Variants in KRIT1 observed in about 807,000 individuals in gnomAD.
KRIT1 encodes krev interaction trapped protein 1.
A neutral mutation model predicts 95.8 loss-of-function variants in KRIT1; 45 were observed. The ratio of observed to expected loss-of-function variants is 0.47; its 90% CI spans 0.37 to 0.60. The LOEUF (loss-of-function observed/expected upper bound fraction) is 0.60, where lower values mean the gene tolerates loss of function less well. Among genes scored for constraint, KRIT1 ranks in the 20% least tolerant of loss-of-function variants. The probability of loss-of-function intolerance (pLI) is 0.00; values close to 1 mark genes in which losing one functional copy is unlikely to be tolerated. For synonymous variants in KRIT1, 282 were observed against 278.8 expected (o/e 1.01, Z -0.11); for missense variants, 788 against 877.5 (o/e 0.90, Z 1.29).
In KRIT1 at chr7:92,210,542, T is replaced by TA. The variant is rs1401143350; in HGVS notation, c.2025+2652dup. On this transcript the variant is annotated intron_variant, in intron 17 of 18. Coordinates refer to ENST00000394505, the MANE Select transcript of KRIT1 (RefSeq NM_194454.3). ...TATACAGAAATCAAGTCAATATGGA[T>TA]AAAAAACCTAAATGTAAGACCTGAG... Among the ~76,000 whole-genome samples the TA allele has an allele frequency of 3.9e-5, 6 of 152,108 alleles. No individual in the cohort carries two copies. The East Asian group carries it at 5.8e-4, about 15-fold the overall frequency.
chr7:92,214,736 G>A lies in KRIT1; in HGVS notation c.1605C>T (p.Ala535=). ...AAAAGCCCTTCAATAAATTATATCTGGCTTCATCAAAGAGAATAAGAATAG... is the reference window on the plus strand; with the variant it reads ...AAAAGCCCTTCAATAAATTATATCTAGCTTCATCAAAGAGAATAAGAATAG... ...PLAILILFDE[A]RYNLLKGFYT... is the part of the protein sequence containing the mutation. The change falls in exon 15 of 19, where the codon GCC becomes GCT. Residue 535 remains alanine, a synonymous_variant. Transcript: ENST00000394505. The A allele has an allele frequency of 6.2e-7, 1 of 1,606,624 alleles. No individual in the cohort carries two copies. The highest frequency in any genetic ancestry group is 8.5e-7 in the Non-Finnish European group (1 of 1,173,438).
chr7:92,213,060 C>A, intron 17 of KRIT1, 135 bp downstream of exon 17: 1 of 637,422 alleles, frequency 1.6e-6, no homozygotes, highest in Non-Finnish European at 2.8e-6. Flanking sequence ...TTTAGTGTCC[C>A]CCTTCCTCTT....
chr7:92,200,449 G>T lies in KRIT1; in HGVS notation c.*287C>A, dbSNP rs988463687. 2.3e-5 allele frequency: 9 copies of T among 389,688 alleles called. No homozygotes were observed. Among genetic ancestry groups the T allele is most frequent in the Non-Finnish European group, 3.9e-5 (8 of 205,758 alleles). 24.1% of individuals were successfully genotyped at this position (389,688 alleles called of 1,614,324 possible). ...GGCTCACTACAACCTCCACCTCCTG[G>T]GTTTAAGCGATCTCCCACCTTGGCC... is the stretch of plus-strand genomic sequence containing the variant. On this transcript the variant is annotated 3_prime_UTR_variant, in exon 19 of 19. Coordinates refer to ENST00000394505, the MANE Select transcript of KRIT1 (RefSeq NM_194454.3).
rs1417074950 is a variant in KRIT1, at chr7:92,222,143, T to C, written c.1412-90A>G. On this transcript the variant is annotated intron_variant, in intron 13 of 18. Transcript: ENST00000394505. ...CTTTGTATTAAACTGTCTGCACTTCTGTACTGAATACTCACAAATTAAATT... is the reference window on the plus strand; with the variant it reads ...CTTTGTATTAAACTGTCTGCACTTCCGTACTGAATACTCACAAATTAAATT... The C allele has an allele frequency of 7.5e-6, 7 of 929,204 alleles. No homozygotes were observed. In the East Asian group the frequency reaches 1.7e-4, roughly 23 times the overall value. 57.6% of individuals were successfully genotyped at this position (929,204 alleles called of 1,614,324 possible). A position where few individuals can be genotyped will look rare whatever the true frequency, so the allele number is the denominator to read the frequency against.
At position 92,201,297 on chromosome 7, in the gene KRIT1, T is replaced by G. The variant is rs972160391; in HGVS notation, c.2142+10A>C. The G allele has an allele frequency of 1.7e-6, 2 of 1,202,676 alleles. No individual in the cohort carries two copies. Among genetic ancestry groups the G allele is most frequent in the African/African-American group, 3.0e-5 (2 of 66,830 alleles). The allele number at this position is 1,202,676 out of a possible 1,614,324, so 74.5% of individuals were successfully genotyped here. A position where few individuals can be genotyped will look rare whatever the true frequency, so the allele number is the denominator to read the frequency against. On this transcript the variant is annotated intron_variant, in intron 18 of 18. Transcript: ENST00000394505. ...AATAGTTTATGAAGTCCAAAATAAA[T>G]GATACTTACCTGTTTTGTATGTACT...
intron 17 of KRIT1, among the ~76,000 whole-genome samples, chr7:92,209,151 G>A (rs939771431): frequency 4.8e-5 from 7 of 147,296 alleles, no homozygotes; most frequent in Non-Finnish European, 9.0e-5. Flanking sequence ...GTTTCGTGAT[G>A]AAAAAAAAAA....
At chr7:92,230,666 G>A (rs563842342) in intron 10 of KRIT1, among the ~76,000 whole-genome samples, 3 of 152,076 alleles carry the variant, frequency 2.0e-5, no homozygotes, top group African/African-American at 7.2e-5. Flanking sequence ...GCATGTTTGA[G>A]GGAAAGAAGA....
chr7:92,236,579 A>G (rs748082222), intron 6 of KRIT1, 37 bp from the exon 7 acceptor site: 20 of 1,311,082 alleles, frequency 1.5e-5, no homozygotes, highest in East Asian at 9.3e-5. Context: ...CTACCATATA[A>G]AAGGTTTACA....
chr7:92,243,204 TAA>T (rs1800073521), intron 3 of KRIT1, among the ~76,000 whole-genome samples: 1 of 152,222 alleles, frequency 6.6e-6, no homozygotes, highest in Non-Finnish European at 1.5e-5. Flanking sequence ...CACTAAATCT[TAA>T]GTCTCCATTG....
chr7:92,235,880 T>TAATATG, intron 7 of KRIT1: 2 of 411,946 alleles, frequency 4.9e-6, no homozygotes, highest in East Asian at 9.8e-5. Context: ...GCACATGTGA[T>TAATATG]AATATGTTCA....
chr7:92,215,211 G>T (rs2131334863), intron 14 of KRIT1, among the ~76,000 whole-genome samples: 1 of 152,120 alleles, frequency 6.6e-6, no homozygotes, highest in East Asian at 1.9e-4. Flanking sequence ...TGCTGACCTG[G>T]TTGTCTAACA....
intron 12 of KRIT1, among the ~76,000 whole-genome samples, chr7:92,223,402 G>A (rs1019225473): frequency 1.1e-4 from 15 of 141,256 alleles, no homozygotes; most frequent in South Asian, 2.2e-4. Flanking sequence ...GAGATTGCGC[G>A]ACTGCACTCC....
At chr7:92,211,310 T>C (rs1463038968) in intron 17 of KRIT1, among the ~76,000 whole-genome samples, 1 of 152,162 alleles carries the variant, frequency 6.6e-6, no homozygotes, top group Admixed American at 6.5e-5. Flanking sequence ...GAAAACGTGG[T>C]ATATATGCAC....
chr7:92,205,996 C>G (rs936135033), intron 17 of KRIT1: 11 of 152,658 alleles, frequency 7.2e-5, no homozygotes, highest in African/African-American at 2.6e-4. Context: ...GGTCAACCCA[C>G]CTGCCTGCCA....
chr7:92,222,101 A>C (rs1427020625), intron 13 of KRIT1, 48 bp from the exon 14 acceptor site: 2 of 1,376,224 alleles, frequency 1.5e-6, no homozygotes, highest in Non-Finnish European at 2.1e-6. Flanking sequence ...AAAGTCAATT[A>C]TATCAATGCA....
At chr7:92,211,327 A>G (rs944891186) in intron 17 of KRIT1, among the ~76,000 whole-genome samples, 1 of 152,232 alleles carries the variant, frequency 6.6e-6, no homozygotes, top group Non-Finnish European at 1.5e-5. Context: ...GCACAATGAA[A>G]TATTATTCAG....
chr7:92,243,534 G>A (rs2131803391), intron 3 of KRIT1, among the ~76,000 whole-genome samples: 1 of 145,546 alleles, frequency 6.9e-6, no homozygotes, highest in East Asian at 2.0e-4. Flanking sequence ...TCAAGAAAGG[G>A]TTTTGAATGT....
intron 14 of KRIT1, among the ~76,000 whole-genome samples, chr7:92,218,338 C>A: frequency 6.6e-6 from 1 of 152,044 alleles, no homozygotes; most frequent in Non-Finnish European, 1.5e-5. Flanking sequence ...CCACCTCATC[C>A]TTCCAAAGCA....
chr7:92,201,449 A>G, intron 17 of KRIT1, 26 bp from the exon 18 acceptor site: 1 of 1,029,700 alleles, frequency 9.7e-7, no homozygotes, highest in Non-Finnish European at 1.5e-6. Context: ...AAACAACTAT[A>G]TTGAAATACA....
Sources: gnomAD v4.1 joint callset for allele counts (sites outside exome capture counted in the v4.1 genomes callset) on GRCh38, gnomAD v4.1.1 for gene constraint, MANE v1.5 for transcripts, NCBI Gene and HGNC (gene_info 2026-07-23, HGNC 2026-07-21) for gene names.